The following LPIN2 variants were observed in gnomAD, a reference collection of about 807,000 sequenced individuals.
The protein encoded by LPIN2 is lipin 2, also known as phosphatidate phosphatase LPIN2.
LPIN2 carries 55 observed loss-of-function variants against 111.4 expected under a neutral mutation model. That is an observed-to-expected ratio of 0.49 (90% CI 0.40 to 0.62). The LOEUF is 0.62. LPIN2 is among the 20% of genes least tolerant of loss of function. The probability of loss-of-function intolerance (pLI) is 0.00; values close to 1 mark genes in which losing one functional copy is unlikely to be tolerated. For synonymous variants in LPIN2, 425 were observed against 414.0 expected (o/e 1.03, Z -0.32); for missense variants, 992 against 1,112.1 (o/e 0.89, Z 1.54).
chr18:3,012,853 G>A (rs1372311093), intron 1 of LPIN2, among the ~76,000 whole-genome samples: 1 of 151,780 alleles, frequency 6.6e-6, no homozygotes, highest in Non-Finnish European at 1.5e-5. Context: ...TGCGGCGGCG[G>A]CGGTAGGGGC....
At chr18:2,974,093 T>C (rs2077968419) in intron 1 of LPIN2, among the ~76,000 whole-genome samples, 1 of 152,154 alleles carries the variant, frequency 6.6e-6, no homozygotes, top group Non-Finnish European at 1.5e-5. Context: ...GTTGTTGTTG[T>C]TGTTTTGTTT....
intron 9 of LPIN2, 56 bp from the exon 10 acceptor site, chr18:2,929,214 G>T (rs1033422973): frequency 9.3e-7 from 1 of 1,080,240 alleles, no homozygotes; most frequent in Non-Finnish European, 1.4e-6. Context: ...CCCTATATGA[G>T]ATTATAATAC....
At chr18:2,921,404 G>T (rs116178219) in intron 18 of LPIN2, 129 bp downstream of exon 18, 2 of 751,968 alleles carry the variant, frequency 2.7e-6, no homozygotes, top group Non-Finnish European at 4.8e-6. Flanking sequence ...AGTGAAAACC[G>T]AACAAGCAGA....
At position 2,931,691 on chromosome 18, in the gene LPIN2, C is replaced by T. The variant is rs1463064634; in HGVS notation, c.1269-248G>A. On this transcript the variant is annotated intron_variant, in intron 8 of 19. Transcript: ENST00000677752. ...TAGTAAATACGTCACAAAATCACCA[C>T]GGTCATTCACAATAATGCAAACATT... Among the ~76,000 whole-genome samples the T allele has an allele frequency of 3.3e-5, 5 of 152,164 alleles. 1 individual carries two copies. The highest frequency in any genetic ancestry group is 7.3e-5 in the Non-Finnish European group (5 of 68,036).
At chr18:3,006,460 G>A (rs551508129) in intron 1 of LPIN2, among the ~76,000 whole-genome samples, 1 of 152,188 alleles carries the variant, frequency 6.6e-6, no homozygotes, top group Non-Finnish European at 1.5e-5. Context: ...TCCCAGGACA[G>A]CTGGCAGATC....
intron 9 of LPIN2, among the ~76,000 whole-genome samples, chr18:2,929,822 A>G (rs1392493490): frequency 1.3e-5 from 2 of 152,148 alleles, no homozygotes; most frequent in Non-Finnish European, 2.9e-5. Flanking sequence ...AGGCGTGACA[A>G]TCACTTGAAC....
At chr18:2,968,058 A>T (rs2143268592) in intron 1 of LPIN2, among the ~76,000 whole-genome samples, 1 of 152,290 alleles carries the variant, frequency 6.6e-6, no homozygotes, top group East Asian at 1.9e-4. Flanking sequence ...GTGGAGAAAG[A>T]GCCCCAAATG....
At chr18:2,932,192 G>A (rs2144166328) in intron 8 of LPIN2, among the ~76,000 whole-genome samples, 1 of 152,270 alleles carries the variant, frequency 6.6e-6, no homozygotes, top group South Asian at 2.1e-4. Flanking sequence ...AGCACCTTAA[G>A]TCTCACAGTC....
rs145386176 is a variant in LPIN2 at position 2,953,510 on chromosome 18, T to G, written c.288+994A>C. Among the ~76,000 whole-genome samples, 997 of 152,324 alleles carry G rather than the reference T, an allele frequency of 6.5e-3. 15 individuals carry two copies. Among genetic ancestry groups the G allele is most frequent in the African/African-American group, 0.022 (930 of 41,576 alleles). On this transcript the variant is annotated intron_variant, in intron 3 of 19. Coordinates refer to ENST00000677752, the MANE Select transcript of LPIN2 (RefSeq NM_001375808.2). ...AGAAAAAGCACCAGTCTGATCAAGC[T>G]TCCCCTTCATAAATCATAGTGTTTC...
intron 1 of LPIN2, among the ~76,000 whole-genome samples, chr18:2,983,355 T>C (rs990721269): frequency 6.6e-6 from 1 of 152,176 alleles, no homozygotes; most frequent in African/African-American, 2.4e-5. Flanking sequence ...CAGTACTGTA[T>C]ATAACAAGCA....
rs2077532462 is a variant in LPIN2, at chr18:2,951,260, C to G, written c.385G>C (p.Glu129Gln). Residue 129 changes from glutamate (E) to glutamine (Q), a missense_variant, in exon 4 of 20, where the codon GAA (glutamate) becomes CAA (glutamine). Coordinates refer to ENST00000677752, the MANE Select transcript of LPIN2 (RefSeq NM_001375808.2). ...DTPLVKSGGD[E>Q]TPSQSSDISH... ...ATGTCTGAACTCTGAGATGGTGTTT[C>G]ATCTCCACCCGATTTCACCAAAGGG... is the stretch of plus-strand genomic sequence containing the variant. 2 of 1,613,952 alleles carry G rather than the reference C, an allele frequency of 1.2e-6. No individual in the cohort carries two copies. The highest frequency in any genetic ancestry group is 2.2e-5 in the South Asian group (2 of 91,086).
chr18:2,945,759 G>A (rs2077441589), intron 4 of LPIN2: 3 of 1,203,370 alleles, frequency 2.5e-6, no homozygotes, highest in South Asian at 1.2e-5. Flanking sequence ...ATCTAACAAT[G>A]TGCTATTTGC....
At chr18:3,001,158 T>G (rs886080317) in intron 1 of LPIN2, among the ~76,000 whole-genome samples, 1 of 152,144 alleles carries the variant, frequency 6.6e-6, no homozygotes, top group African/African-American at 2.4e-5. Context: ...TCAAAGAATT[T>G]CCTCCCTGTA....
At chr18:2,937,112 C>A (rs2077297520) in intron 7 of LPIN2, among the ~76,000 whole-genome samples, 1 of 152,134 alleles carries the variant, frequency 6.6e-6, no homozygotes. Context: ...CAATTGATTA[C>A]AACTCATTAT....
At chr18:2,984,903 G>A (rs1038173165) in intron 1 of LPIN2, among the ~76,000 whole-genome samples, 1 of 152,128 alleles carries the variant, frequency 6.6e-6, no homozygotes. Context: ...CAAGAGGTAG[G>A]AGCAAAGGCT....
At chr18:2,992,434 TAC>T (rs2078279348) in intron 1 of LPIN2, among the ~76,000 whole-genome samples, 1 of 152,250 alleles carries the variant, frequency 6.6e-6, no homozygotes, top group African/African-American at 2.4e-5. Flanking sequence ...GCTTAATGGT[TAC>T]AGAGTTTAGA....
At chr18:2,985,337 C>T (rs1035238852) in intron 1 of LPIN2, 6 of 152,108 alleles carry the variant, frequency 3.9e-5, no homozygotes, top group African/African-American at 1.2e-4. Flanking sequence ...CTATGATTTT[C>T]AAAGGAAAAC....
In LPIN2 at chr18:2,929,632, A is replaced by G. The variant is rs545167889; in HGVS notation, c.1457-474T>C. ...TATCTTAAAATTGTTTGGGCCAGGC[A>G]CAGTGGCTCACACCTATAATTCCAA... On this transcript the variant is annotated intron_variant, in intron 9 of 19. Transcript: ENST00000677752. Among the ~76,000 whole-genome samples the G allele has an allele frequency of 3.9e-5, 6 of 152,356 alleles. No homozygotes were observed. The South Asian group carries it at 1.2e-3, about 32-fold the overall frequency.
chr18:2,985,738 C>T (rs568972724), intron 1 of LPIN2, among the ~76,000 whole-genome samples: 51 of 152,202 alleles, frequency 3.4e-4, no homozygotes, highest in Non-Finnish European at 5.9e-4. Flanking sequence ...TGAAGCTGTA[C>T]TAAGCTGGTT....
Sources: allele counts gnomAD v4.1 joint callset (sites outside exome capture counted in the v4.1 genomes callset), GRCh38; gene constraint gnomAD v4.1.1; transcripts MANE v1.5; gene names NCBI Gene and HGNC (gene_info 2026-07-23, HGNC 2026-07-21).